The following CPHXL variants were observed in gnomAD, a reference collection of about 807,000 sequenced individuals.
CPHXL encodes the protein cytoplasmic polyadenylated homeobox-like protein.
chr16:75,725,356 T>G lies in CPHXL; in HGVS notation c.25+1062A>C, dbSNP rs1959540528. On this transcript the variant is annotated intron_variant, in intron 1 of 2. Coordinates refer to ENST00000640559, the MANE Select transcript of CPHXL (RefSeq NM_001355613.1). ...TAGGCTGGAATGCAGTGGCGTGCTC[T>G]CAGCTCACTGCAATCTCCGCCTACT... Among the ~76,000 whole-genome samples the G allele has an allele frequency of 5.3e-5, 8 of 152,136 alleles. No homozygotes were observed. In the South Asian group the frequency reaches 1.7e-3, roughly 32 times the overall value.
intron 1 of CPHXL, among the ~76,000 whole-genome samples, chr16:75,725,138 G>A (rs1032651150): frequency 6.8e-6 from 1 of 147,422 alleles, no homozygotes; most frequent in Non-Finnish European, 1.5e-5. Context: ...GGTCGGGGGA[G>A]GGGGGAGGGA....
chr16:75,715,998 C>T (rs1195273408), intron 2 of CPHXL, among the ~76,000 whole-genome samples: 1 of 152,098 alleles, frequency 6.6e-6, no homozygotes, highest in Non-Finnish European at 1.5e-5. Context: ...ACATCTGGCC[C>T]ACATTTCTGT....
At chr16:75,719,849 C>G (rs555715072) in intron 1 of CPHXL, among the ~76,000 whole-genome samples, 1 of 152,186 alleles carries the variant, frequency 6.6e-6, no homozygotes, top group African/African-American at 2.4e-5. Flanking sequence ...TGGGAGACAC[C>G]CCCCAGTAGG....
chr16:75,724,739 T>G (rs531371177), intron 1 of CPHXL, among the ~76,000 whole-genome samples: 1 of 152,124 alleles, frequency 6.6e-6, no homozygotes, highest in South Asian at 2.1e-4. Flanking sequence ...GATCTAGAAC[T>G]AGAAATGCCA....
intron 1 of CPHXL, 130 bp downstream of exon 1, chr16:75,726,288 A>G (rs1959558635): frequency 2.5e-6 from 1 of 397,302 alleles, no homozygotes; most frequent in Non-Finnish European, 4.4e-6. Context: ...GCCCTAACAC[A>G]ATTTACCGGT....
At chr16:75,719,498 G>C (rs562438950) in intron 1 of CPHXL, among the ~76,000 whole-genome samples, 1 of 152,118 alleles carries the variant, frequency 6.6e-6, no homozygotes, top group Non-Finnish European at 1.5e-5. Context: ...ATGGAGCCTC[G>C]CTCACTGCTA....
intron 1 of CPHXL, among the ~76,000 whole-genome samples, chr16:75,724,707 G>T (rs1309070441): frequency 1.3e-5 from 2 of 152,224 alleles, no homozygotes; most frequent in Non-Finnish European, 2.9e-5. Flanking sequence ...CATTGTGGAA[G>T]TCAGTGTGGC....
chr16:75,720,435 C>A (rs1473587685), intron 1 of CPHXL, among the ~76,000 whole-genome samples: 5 of 152,122 alleles, frequency 3.3e-5, no homozygotes, highest in African/African-American at 1.2e-4. Flanking sequence ...AAAACCACGG[C>A]ACGAGAACTA....
chr16:75,724,022 G>C (rs1217878925), intron 1 of CPHXL, among the ~76,000 whole-genome samples: 1 of 152,230 alleles, frequency 6.6e-6, no homozygotes, highest in Admixed American at 6.5e-5. Context: ...AAGAAATGGG[G>C]AAAGGATTCC....
At chr16:75,716,718 C>A (rs1355114879) in intron 2 of CPHXL, among the ~76,000 whole-genome samples, 1 of 152,214 alleles carries the variant, frequency 6.6e-6, no homozygotes, top group East Asian at 1.9e-4. Context: ...GCTCCACCTC[C>A]TCTCCAGAAG....
intron 1 of CPHXL, 132 bp from the exon 2 acceptor site, chr16:75,718,590 T>C (rs770357351): frequency 7.6e-6 from 3 of 393,332 alleles, no homozygotes; most frequent in Non-Finnish European, 1.3e-5. Flanking sequence ...TGTGACCTCA[T>C]AGCTACTCAC....
intron 1 of CPHXL, among the ~76,000 whole-genome samples, chr16:75,720,196 C>T (rs1216726436): frequency 6.6e-6 from 1 of 152,174 alleles, no homozygotes; most frequent in Admixed American, 6.5e-5. Flanking sequence ...ATCAGAGTGC[C>T]TCTCCTCCTC....
At chr16:75,721,413 C>T in intron 1 of CPHXL, among the ~76,000 whole-genome samples, 1 of 152,010 alleles carries the variant, frequency 6.6e-6, no homozygotes, top group Non-Finnish European at 1.5e-5. Flanking sequence ...GGAAGTTCTA[C>T]CAAGCAAATG....
chr16:75,717,231 T>C (rs1959405064), intron 2 of CPHXL, among the ~76,000 whole-genome samples: 1 of 152,224 alleles, frequency 6.6e-6, no homozygotes, highest in Non-Finnish European at 1.5e-5. Context: ...CATCCACTGC[T>C]TCCAAATTTG....
At chr16:75,725,783 T>TTTTTTTTTTTTTTTTTTTG in intron 1 of CPHXL, among the ~76,000 whole-genome samples, 1 of 93,196 alleles carries the variant, frequency 1.1e-5, no homozygotes, top group Non-Finnish European at 2.4e-5. Flanking sequence ...TTTTTTTTTT[T>TTTTTTTTTTTTTTTTTTTG]AGGCAACCTT....
intron 1 of CPHXL, among the ~76,000 whole-genome samples, chr16:75,725,510 C>T (rs1016112954): frequency 2.3e-4 from 34 of 150,152 alleles, no homozygotes; most frequent in South Asian, 6.3e-4. Context: ...TGGAGTGCAG[C>T]GGCACCATCT....
chr16:75,721,963 C>G lies in CPHXL; in HGVS notation c.26-3505G>C, dbSNP rs140121659. 1.0e-2 allele frequency among the ~76,000 whole-genome samples: 1,516 copies of G among 152,320 alleles called. 31 individuals carry two copies. The highest frequency in any genetic ancestry group is 0.031 in the African/African-American group (1,292 of 41,566). ...GGATTAAGAAACTCACTCAAAACTGCTCAATTACATGGAAACTGAACAACC... is the reference window on the plus strand; with the variant it reads ...GGATTAAGAAACTCACTCAAAACTGGTCAATTACATGGAAACTGAACAACC... On this transcript the variant is annotated intron_variant, in intron 1 of 2. Transcript: ENST00000640559.
chr16:75,723,619 A>G (rs554546465), intron 1 of CPHXL, among the ~76,000 whole-genome samples: 280 of 152,340 alleles, frequency 1.8e-3, no homozygotes, highest in African/African-American at 6.5e-3. Flanking sequence ...AACAAATGGA[A>G]GAACATTCCA....
intron 1 of CPHXL, among the ~76,000 whole-genome samples, chr16:75,719,233 C>T (rs1317214515): frequency 6.6e-6 from 1 of 152,170 alleles, no homozygotes; most frequent in Non-Finnish European, 1.5e-5. Flanking sequence ...GTTCATCTCA[C>T]TGGGGAGTGT....
Sources: allele counts gnomAD v4.1 joint callset (sites outside exome capture counted in the v4.1 genomes callset), GRCh38; gene constraint gnomAD v4.1.1; transcripts MANE v1.5; gene names NCBI Gene and HGNC (gene_info 2026-07-23, HGNC 2026-07-21).